ZNF609: variants seen among roughly 807,000 people sequenced by gnomAD.
ZNF609 encodes the protein zinc finger protein 609.
ZNF609 carries 11 observed loss-of-function variants against 109.5 expected under a neutral mutation model. The observed-to-expected ratio is 0.10, with a 90% CI of 0.06 to 0.17. ZNF609 has a LOEUF of 0.17. Ranked by LOEUF, ZNF609 falls within the 10% of genes least tolerant of loss-of-function variation. The probability of loss-of-function intolerance (pLI) is 1.00; values close to 1 mark genes in which losing one functional copy is unlikely to be tolerated. For synonymous variants in ZNF609, 646 were observed against 662.0 expected (o/e 0.98, Z 0.37); for missense variants, 1,559 against 1,772.4 (o/e 0.88, Z 2.16).
chr15:64,539,945 T>G (rs1595711822), intron 2 of ZNF609, among the ~76,000 whole-genome samples: 1 of 152,132 alleles, frequency 6.6e-6, no homozygotes, highest in East Asian at 1.9e-4. Flanking sequence ...CCTTTTTTCC[T>G]TATTTTTGTA....
At chr15:64,585,514 G>A (rs1444938542) in intron 2 of ZNF609, among the ~76,000 whole-genome samples, 1 of 152,142 alleles carries the variant, frequency 6.6e-6, no homozygotes, top group Non-Finnish European at 1.5e-5. Flanking sequence ...AAATTCTGTA[G>A]TAAATTGTTA....
At chr15:64,676,579 C>T (rs556476191) in intron 5 of ZNF609, among the ~76,000 whole-genome samples, 7 of 150,946 alleles carry the variant, frequency 4.6e-5, no homozygotes, top group Admixed American at 6.6e-5. Context: ...TACAGGCACA[C>T]GCCACCATGC....
intron 3 of ZNF609, among the ~76,000 whole-genome samples, chr15:64,643,350 A>G (rs903837584): frequency 2.6e-5 from 4 of 152,214 alleles, no homozygotes; most frequent in Non-Finnish European, 5.9e-5. Context: ...AGAACTAGAA[A>G]ACTGGAGTGG....
At chr15:64,617,331 A>G (rs1218608792) in intron 2 of ZNF609, among the ~76,000 whole-genome samples, 1 of 146,438 alleles carries the variant, frequency 6.8e-6, no homozygotes, top group Non-Finnish European at 1.5e-5. Context: ...CAAAAAATTA[A>G]AAAAAAAAAA....
Position 64,467,587 on chromosome 15 carries a change from CTCTAA to C in ZNF609, c.-128+6755_-128+6759del, listed in dbSNP as rs1378762258. On this transcript the variant is annotated intron_variant, in intron 1 of 9. Coordinates refer to ENST00000326648, the MANE Select transcript of ZNF609 (RefSeq NM_015042.2). ...CTTAGCCCGGTGCGGTGGCTTACGC[CTCTAA>C]TCTAAGCACTTTGGGAGGCCGAGAC... Among the ~76,000 whole-genome samples the C allele has an allele frequency of 3.3e-5, 5 of 152,220 alleles. No homozygotes were observed. The East Asian group carries it at 7.7e-4, about 23-fold the overall frequency.
chr15:64,591,819 C>G (rs1393929145), intron 2 of ZNF609, among the ~76,000 whole-genome samples: 1 of 151,792 alleles, frequency 6.6e-6, no homozygotes, highest in Non-Finnish European at 1.5e-5. Context: ...TCAAGTGATT[C>G]TCTTGCCTCA....
chr15:64,638,435 GA>G (rs1208297372), intron 3 of ZNF609, among the ~76,000 whole-genome samples: 2 of 151,372 alleles, frequency 1.3e-5, no homozygotes, highest in Non-Finnish European at 2.9e-5. Flanking sequence ...AATTTTTACA[GA>G]AAAAAAAGTG....
intron 2 of ZNF609, chr15:64,529,326 C>T (rs1375871458): frequency 1.4e-6 from 1 of 720,964 alleles, no homozygotes; most frequent in East Asian, 2.8e-5. Flanking sequence ...CCTTTTGGCT[C>T]CCCCCTGCAA....
At chr15:64,651,896 G>A (rs1896421865) in intron 3 of ZNF609, among the ~76,000 whole-genome samples, 1 of 151,806 alleles carries the variant, frequency 6.6e-6, no homozygotes, top group African/African-American at 2.4e-5. Flanking sequence ...CTATTCACGT[G>A]TTATGTATTA....
At chr15:64,530,308 C>T (rs1343946215) in intron 2 of ZNF609, among the ~76,000 whole-genome samples, 1 of 152,188 alleles carries the variant, frequency 6.6e-6, no homozygotes, top group Non-Finnish European at 1.5e-5. Context: ...CCGTGCTGGG[C>T]CTGAATCCTA....
intron 2 of ZNF609, among the ~76,000 whole-genome samples, chr15:64,585,811 G>A (rs778060041): frequency 2.6e-4 from 40 of 152,216 alleles, no homozygotes; most frequent in Admixed American, 1.7e-3. Context: ...TGATTCTAAA[G>A]GATTCTGAAA....
intron 3 of ZNF609, among the ~76,000 whole-genome samples, chr15:64,633,143 T>A (rs1896111914): frequency 8.4e-6 from 1 of 119,096 alleles, no homozygotes; most frequent in Admixed American, 7.6e-5. Context: ...TGACACGTTT[T>A]GTTTTGTTTT....
At position 64,675,385 on chromosome 15, in the gene ZNF609, C is replaced by T; in HGVS notation, c.2531C>T (p.Ala844Val). The T allele has an allele frequency of 6.2e-7, 1 of 1,614,150 alleles. No individual in the cohort carries two copies. The highest frequency in any genetic ancestry group is 8.5e-7 in the Non-Finnish European group (1 of 1,180,008). Residue 844 changes from alanine to valine, a missense_variant, in exon 5 of 10, where the codon GCA (alanine) becomes GTA (valine). Around this residue, in one of 4 missense-constraint regions of ZNF609, gnomAD observed 1,204 missense variants for 1,314.1 expected, o/e 0.92. Coordinates refer to ENST00000326648, the MANE Select transcript of ZNF609 (RefSeq NM_015042.2). ...AGCTCAGTCAAAACCAACAGCCCTG[C>T]ATACTCTGACATCTCTGATGCTGGG... ...EASSVKTNSPAYSDISDAGED... is the reference protein window; with the variant it reads ...EASSVKTNSPVYSDISDAGED...
chr15:64,576,061 C>T (rs1035863466), intron 2 of ZNF609, among the ~76,000 whole-genome samples: 2 of 152,054 alleles, frequency 1.3e-5, no homozygotes, highest in African/African-American at 2.4e-5. Context: ...GAGATCGCGC[C>T]GCTGCACTCC....
At chr15:64,628,234 G>A (rs1896004212) in intron 3 of ZNF609, among the ~76,000 whole-genome samples, 1 of 152,052 alleles carries the variant, frequency 6.6e-6, no homozygotes, top group Middle Eastern at 3.4e-3. Context: ...CCAGGAGTTC[G>A]AGGCAACAGT....
At chr15:64,634,171 T>C (rs930859127) in intron 3 of ZNF609, among the ~76,000 whole-genome samples, 30 of 152,222 alleles carry the variant, frequency 2.0e-4, no homozygotes, top group African/African-American at 6.5e-4. Context: ...AGCTGACATC[T>C]AAACAGACCC....
Position 64,499,943 on chromosome 15 carries a change from T to C in ZNF609, c.524T>C (p.Val175Ala), listed in dbSNP as rs759987148. Residue 175 changes from valine to alanine, a missense_variant, in exon 2 of 10, where the codon GTG becomes GCG. Around this residue, in one of 4 missense-constraint regions of ZNF609, gnomAD observed 291 missense variants for 317.8 expected, o/e 0.92. Transcript: ENST00000326648. ...SKSKKERSEG[V>A]GTCSEKDPGV... ...AGCAAGAAGGAGAGAAGCGAAGGAG[T>C]GGGGACTTGTTCAGAAAAGGATCCT... 6.2e-7 allele frequency: 1 copy of C among 1,612,790 alleles called. No homozygotes were observed. Among genetic ancestry groups the C allele is most frequent in the Non-Finnish European group, 8.5e-7 (1 of 1,179,704 alleles).
At chr15:64,535,071 T>C (rs1282795955) in intron 2 of ZNF609, among the ~76,000 whole-genome samples, 2 of 151,944 alleles carry the variant, frequency 1.3e-5, no homozygotes, top group African/African-American at 2.4e-5. Context: ...TATATAAATA[T>C]GTAAAGTGAA....
chr15:64,501,697 C>T (rs1893564925), intron 2 of ZNF609: 1 of 152,178 alleles, frequency 6.6e-6, no homozygotes, highest in Non-Finnish European at 1.5e-5. Flanking sequence ...TGCCATATAT[C>T]CATATTCATA....
Sources: allele counts gnomAD v4.1 joint callset (sites outside exome capture counted in the v4.1 genomes callset), GRCh38; gene constraint gnomAD v4.1.1; regional missense constraint gnomAD v4.1.1; transcripts MANE v1.5; gene names NCBI Gene and HGNC (gene_info 2026-07-23, HGNC 2026-07-21).